The following MIPOL1 variants were observed in gnomAD, a reference collection of about 807,000 sequenced individuals.
MIPOL1 encodes mirror-image polydactyly gene 1 protein.
Under a neutral mutation model 60.9 loss-of-function variants are expected in MIPOL1, and 57 were observed. The ratio of observed to expected loss-of-function variants is 0.94; its 90% CI spans 0.76 to 1.17. The LOEUF is 1.17. MIPOL1 is among the 50% of genes most tolerant of loss of function. MIPOL1 has a pLI of 0.00. For synonymous variants in MIPOL1, 179 were observed against 168.8 expected, an observed-to-expected ratio of 1.06 and a Z score of -0.47; for missense variants, 551 against 511.6, an observed-to-expected ratio of 1.08 and a Z score of -0.74.
intron 11 of MIPOL1, among the ~76,000 whole-genome samples, chr14:37,436,024 C>A (rs1302296958): frequency 6.6e-6 from 1 of 152,096 alleles, no homozygotes; most frequent in Non-Finnish European, 1.5e-5. Context: ...AGACTTTATT[C>A]ACCTGTGTTA....
chr14:37,264,600 C>T (rs1311234160), intron 3 of MIPOL1, among the ~76,000 whole-genome samples: 2 of 151,650 alleles, frequency 1.3e-5, no homozygotes, highest in African/African-American at 2.4e-5. Context: ...TGCACTCCAA[C>T]GTGGGTGACG....
chr14:37,508,634 A>G (rs959504225), intron 12 of MIPOL1, among the ~76,000 whole-genome samples: 3 of 152,268 alleles, frequency 2.0e-5, no homozygotes, highest in South Asian at 2.1e-4. Context: ...TAATGCTTCT[A>G]TCTCATAACG....
chr14:37,360,718 A>G (rs1432221117), intron 9 of MIPOL1, among the ~76,000 whole-genome samples: 2 of 151,482 alleles, frequency 1.3e-5, no homozygotes, highest in African/African-American at 4.9e-5. Context: ...TTTGTTCTTT[A>G]TTGGTCTTGC....
chr14:37,369,398 G>GT, intron 9 of MIPOL1, 119 bp from the exon 10 acceptor site: 1 of 332,288 alleles, frequency 3.0e-6, no homozygotes, highest in Non-Finnish European at 5.0e-6. Flanking sequence ...CATTCTTGTT[G>GT]CAAAAAAAAA....
intron 7 of MIPOL1, among the ~76,000 whole-genome samples, chr14:37,303,613 T>C: frequency 6.6e-6 from 1 of 151,854 alleles, no homozygotes; most frequent in Non-Finnish European, 1.5e-5. Flanking sequence ...AGAATCTTTT[T>C]CATTTTGTCT....
chr14:37,356,871 G>A (rs187126444), intron 9 of MIPOL1, among the ~76,000 whole-genome samples: 23 of 152,294 alleles, frequency 1.5e-4, no homozygotes, highest in South Asian at 2.1e-4. Flanking sequence ...TGTCTTCCCC[G>A]TCGGCCACGC....
At chr14:37,468,092 G>A (rs553194218) in intron 11 of MIPOL1, among the ~76,000 whole-genome samples, 9 of 150,796 alleles carry the variant, frequency 6.0e-5, no homozygotes, top group East Asian at 1.9e-4. Flanking sequence ...GATTTTGATC[G>A]GCTTTGTTTA....
At chr14:37,230,276 C>T (rs967139222) in intron 1 of MIPOL1, among the ~76,000 whole-genome samples, 6 of 152,118 alleles carry the variant, frequency 3.9e-5, no homozygotes, top group African/African-American at 1.4e-4. Flanking sequence ...TAAAAATTTT[C>T]ACCGAATTTT....
chr14:37,504,388 G>T (rs2153616532), intron 12 of MIPOL1: 1 of 152,238 alleles, frequency 6.6e-6, no homozygotes, highest in South Asian at 2.1e-4. Flanking sequence ...TAAAAGAATA[G>T]AAATCACAAA....
At chr14:37,263,974 T>C (rs915987332) in intron 3 of MIPOL1, among the ~76,000 whole-genome samples, 26 of 152,216 alleles carry the variant, frequency 1.7e-4, no homozygotes, top group African/African-American at 6.0e-4. Flanking sequence ...AGCTTCACTT[T>C]AATGGCATTT....
chr14:37,451,247 A>G (rs534172478), intron 11 of MIPOL1, among the ~76,000 whole-genome samples: 3 of 152,172 alleles, frequency 2.0e-5, no homozygotes, highest in Admixed American at 6.5e-5. Context: ...CCCCTACTTC[A>G]TCTCTGTACC....
intron 12 of MIPOL1, among the ~76,000 whole-genome samples, chr14:37,546,320 A>G (rs978799354): frequency 1.3e-5 from 2 of 152,188 alleles, no homozygotes; most frequent in African/African-American, 2.4e-5. Flanking sequence ...GTCTGGTTTT[A>G]TTAGTATCAA....
intron 1 of MIPOL1, among the ~76,000 whole-genome samples, chr14:37,237,278 T>G (rs1336204594): frequency 2.6e-5 from 4 of 152,028 alleles, no homozygotes; most frequent in Non-Finnish European, 4.4e-5. Context: ...GCACAACAAT[T>G]TGTCTATCAG....
intron 9 of MIPOL1, among the ~76,000 whole-genome samples, chr14:37,359,985 A>G (rs186801105): frequency 9.9e-5 from 15 of 152,188 alleles, no homozygotes; most frequent in African/African-American, 3.4e-4. Context: ...TTATTTTGAG[A>G]TACGTTCCAT....
In MIPOL1 at chr14:37,308,443, C is replaced by A; in HGVS notation, c.752C>A (p.Thr251Asn). 1 of 1,604,476 alleles carries A rather than the reference C, an allele frequency of 6.2e-7. No individual in the cohort carries two copies. Among genetic ancestry groups the A allele is most frequent in the Non-Finnish European group, 8.5e-7 (1 of 1,176,502 alleles). Reference sequence around the variant, plus strand: ...ATAATTGTGGATAGAATCTACAAGACCAAGGAATGTAAAATGAGAATAACT... The same window carrying A: ...ATAATTGTGGATAGAATCTACAAGAACAAGGAATGTAAAATGAGAATAACT... Reference protein sequence around the residue: ...GAIIVDRIYKTKECKMRITAE... With the variant: ...GAIIVDRIYKNKECKMRITAE... The change falls in exon 9 of 13, where the codon ACC becomes AAC. Residue 251 changes from threonine to asparagine, a missense_variant. Coordinates refer to ENST00000684589, the MANE Select transcript of MIPOL1 (RefSeq NM_001388067.1).
intron 9 of MIPOL1, among the ~76,000 whole-genome samples, chr14:37,328,938 A>T (rs1307470411): frequency 6.6e-6 from 1 of 152,202 alleles, no homozygotes; most frequent in Non-Finnish European, 1.5e-5. Context: ...TAGGCTTAAG[A>T]ATATATAGAA....
chr14:37,392,842 T>G (rs1186925396), intron 10 of MIPOL1, among the ~76,000 whole-genome samples: 2 of 152,170 alleles, frequency 1.3e-5, no homozygotes, highest in African/African-American at 4.8e-5. Flanking sequence ...TTAAAGAAAT[T>G]AAAGTCTTGT....
At chr14:37,504,336 AACTG>A (rs1278609848) in intron 12 of MIPOL1, 1 of 152,226 alleles carries the variant, frequency 6.6e-6, no homozygotes, top group Non-Finnish European at 1.5e-5. Context: ...CTTATTCTAA[AACTG>A]ACCACATAAT....
intron 9 of MIPOL1, among the ~76,000 whole-genome samples, chr14:37,335,948 A>G (rs573504039): frequency 6.6e-6 from 1 of 151,986 alleles, no homozygotes; most frequent in African/African-American, 2.4e-5. Context: ...CGCTTTTAGT[A>G]TCATATTCAA....
Sources: allele counts gnomAD v4.1 joint callset (sites outside exome capture counted in the v4.1 genomes callset), GRCh38; gene constraint gnomAD v4.1.1; transcripts MANE v1.5; gene names NCBI Gene and HGNC (gene_info 2026-07-23, HGNC 2026-07-21).